Variants in DNM2 observed in about 807,000 individuals in gnomAD.
DNM2 encodes the protein dynamin 2, also known as dynamin-2.
DNM2 carries 15 observed loss-of-function variants against 99.0 expected under a neutral mutation model. The observed-to-expected ratio is 0.15, with a 90% CI of 0.10 to 0.23. The LOEUF is 0.23. Ranked by LOEUF, DNM2 falls within the 10% of genes least tolerant of loss-of-function variation. The probability of loss-of-function intolerance (pLI) is 1.00; values close to 1 mark genes in which losing one functional copy is unlikely to be tolerated. For synonymous variants in DNM2, 525 were observed against 481.2 expected (o/e 1.09, Z -1.19); for missense variants, 742 against 1,189.4 (o/e 0.62, Z 5.53).
chr19:10,795,312 C>T lies in DNM2; in HGVS notation c.1129-60C>T, dbSNP rs2071893478. On this transcript the variant is annotated intron_variant, in intron 8 of 20. Coordinates refer to ENST00000389253, the MANE Select transcript of DNM2 (RefSeq NM_001005361.3). This position sits in a 1 kb window ranked among gnomAD's most constrained non-coding sequence, Gnocchi z 4.2. The stretch of plus-strand genomic sequence containing the variant: ...TGGGAGAGAACGTTCCCCAGATGCA[C>T]GCCTGCCACGGGGGCGCCCCGGGTG... 11 of 1,542,640 alleles carry T rather than the reference C, an allele frequency of 7.1e-6. No homozygotes were observed. In the South Asian group the frequency reaches 1.0e-4, roughly 14 times the overall value.
chr19:10,738,142 C>T (rs2069598488), intron 1 of DNM2, among the ~76,000 whole-genome samples: 1 of 152,030 alleles, frequency 6.6e-6, no homozygotes, highest in Admixed American at 6.6e-5. Flanking sequence ...CTTGTAATCC[C>T]AGCACTTTGG....
intron 12 of DNM2, chr19:10,803,747 G>A: frequency 1.0e-6 from 1 of 960,584 alleles, no homozygotes; most frequent in African/African-American, 1.8e-5. Context: ...AGCCCTGGGT[G>A]GGACATCCCT....
chr19:10,798,202 A>T (rs1222664071), intron 10 of DNM2, among the ~76,000 whole-genome samples: 3 of 152,140 alleles, frequency 2.0e-5, no homozygotes, highest in African/African-American at 7.2e-5. Context: ...CATGGCAAAC[A>T]TGCCCCTGCT....
chr19:10,787,705 A>C (rs988544015), intron 7 of DNM2, among the ~76,000 whole-genome samples: 84 of 150,076 alleles, frequency 5.6e-4, no homozygotes, highest in African/African-American at 1.9e-3. Context: ...CAGTGAGCTG[A>C]GATCACGCCA....
intron 13 of DNM2, 31 bp downstream of exon 13, chr19:10,805,998 A>G: frequency 3.7e-6 from 6 of 1,613,650 alleles, no homozygotes; most frequent in Non-Finnish European, 5.1e-6. Context: ...CTCCCGCTCT[A>G]CCCTGGGGGC....
chr19:10,724,921 C>T, intron 1 of DNM2, among the ~76,000 whole-genome samples: 1 of 152,042 alleles, frequency 6.6e-6, no homozygotes, highest in South Asian at 2.1e-4. Context: ...TGATGTGTCC[C>T]TCCAGGGATA....
In DNM2 at chr19:10,823,887, C is replaced by G. The variant is rs767496363; in HGVS notation, c.1881C>G (p.Pro627=). The change falls in exon 17 of 21, where the codon CCC becomes CCG. Residue 627 remains proline, a synonymous_variant. Coordinates refer to ENST00000389253, the MANE Select transcript of DNM2 (RefSeq NM_001005361.3). ...KASFLRAGVY[P]EKDQAENEDG... ...CGTTCCTCCGAGCTGGCGTCTACCC[C>G]GAGAAGGACCAGGTGAGGAGCCGTC... The G allele has an allele frequency of 1.9e-5, 30 of 1,613,564 alleles. No individual in the cohort carries two copies. The highest frequency in any genetic ancestry group is 9.3e-5 in the African/African-American group (7 of 74,902).
At chr19:10,821,739 C>T (rs2072977900) in intron 16 of DNM2, among the ~76,000 whole-genome samples, 1 of 152,144 alleles carries the variant, frequency 6.6e-6, no homozygotes, top group Non-Finnish European at 1.5e-5. Context: ...CCATATTGGT[C>T]AGGCTGGGCT....
At chr19:10,719,571 G>A (rs1041226667) in intron 1 of DNM2, among the ~76,000 whole-genome samples, 2 of 152,060 alleles carry the variant, frequency 1.3e-5, no homozygotes, top group Non-Finnish European at 2.9e-5. Flanking sequence ...AGAACAGCCC[G>A]TGCAGCCACC....
chr19:10,780,921 G>A (rs1164188243), intron 5 of DNM2, among the ~76,000 whole-genome samples: 3 of 151,092 alleles, frequency 2.0e-5, no homozygotes, highest in African/African-American at 7.3e-5. Context: ...GAGAGGCTGA[G>A]ACATGAGAAT....
At chr19:10,776,017 A>G in intron 4 of DNM2, 111 bp downstream of exon 4, 1 of 1,341,896 alleles carries the variant, frequency 7.5e-7, no homozygotes, top group Non-Finnish European at 1.0e-6. Context: ...TGGCCGCTGT[A>G]GGAAAAGGCC....
At position 10,824,219 on chromosome 19, in the gene DNM2, C is replaced by T. The variant is rs755370798; in HGVS notation, c.1893+320C>T. The T allele has an allele frequency of 3.7e-4, 139 of 379,458 alleles. 1 individual carries two copies. Among genetic ancestry groups the T allele is most frequent in the Middle Eastern group, 8.8e-4 (1 of 1,134 alleles). 23.5% of individuals were successfully genotyped at this position (379,458 alleles called of 1,614,324 possible). ...TGGCCCCAATATTAAAATGCCTTGCCGGGCACGGTGGGTGGTTCGCCCCTG... is the reference window on the plus strand; with the variant it reads ...TGGCCCCAATATTAAAATGCCTTGCTGGGCACGGTGGGTGGTTCGCCCCTG... On this transcript the variant is annotated intron_variant, in intron 17 of 20. Transcript: ENST00000389253.
At chr19:10,801,262 C>T (rs1355788916) in intron 11 of DNM2, among the ~76,000 whole-genome samples, 4 of 151,636 alleles carry the variant, frequency 2.6e-5, no homozygotes, top group South Asian at 2.1e-4. Flanking sequence ...GCCGAGATTA[C>T]GCCATTGCAC....
At chr19:10,788,018 G>C (rs1390819453) in intron 7 of DNM2, among the ~76,000 whole-genome samples, 1 of 151,816 alleles carries the variant, frequency 6.6e-6, no homozygotes, top group Admixed American at 6.6e-5. Flanking sequence ...GATCACTTGA[G>C]GTCCGGAGTT....
chr19:10,824,999 G>A, intron 17 of DNM2, 58 bp from the exon 18 acceptor site: 2 of 1,611,068 alleles, frequency 1.2e-6, no homozygotes, highest in Non-Finnish European at 1.7e-6. Flanking sequence ...GGTTTCCAGA[G>A]AACCAGGACT....
At chr19:10,808,078 G>A (rs2072414932) in intron 13 of DNM2, among the ~76,000 whole-genome samples, 1 of 151,866 alleles carries the variant, frequency 6.6e-6, no homozygotes, top group South Asian at 2.1e-4. Context: ...AGGAGATGGT[G>A]GTTGTGGTGA....
intron 5 of DNM2, 24 bp from the exon 6 acceptor site, chr19:10,782,935 CT>C (rs1303195934): frequency 6.2e-7 from 1 of 1,613,932 alleles, no homozygotes; most frequent in South Asian, 1.1e-5. Context: ...AGCTTTGCCC[CT>C]GACCTGACTG....
Position 10,732,244 on chromosome 19 carries a change from C to T in DNM2, c.161+13841C>T, listed in dbSNP as rs186734857. ...CTGGGATTACAGGCATGAGCCACCG[C>T]GCCCTTAAACTCTTTTCTGTTAAAG... On this transcript the variant is annotated intron_variant, in intron 1 of 20. Transcript: ENST00000389253. Among the ~76,000 whole-genome samples the T allele has an allele frequency of 2.7e-3, 404 of 147,444 alleles. 5 individuals carry two copies. The highest frequency in any genetic ancestry group is 9.4e-3 in the African/African-American group (379 of 40,218).
rs773712386 is a variant in DNM2 at position 10,829,110 on chromosome 19, G to A, written c.2133G>A (p.Glu711=). ...SSADQSSLME[E]SADQAQRRDD... ...CAGACCAGAGCAGCCTCATGGAGGA[G>A]TCGGCTGACCAGGCACAGCGGCGGG... Residue 711 remains glutamate, a synonymous_variant, in exon 19 of 21, where the codon GAG becomes GAA. Coordinates refer to ENST00000389253, the MANE Select transcript of DNM2 (RefSeq NM_001005361.3). The A allele has an allele frequency of 1.2e-6, 2 of 1,614,054 alleles. No homozygotes were observed. Among genetic ancestry groups the A allele is most frequent in the South Asian group, 1.1e-5 (1 of 91,080 alleles).
Sources: allele counts gnomAD v4.1 joint callset (sites outside exome capture counted in the v4.1 genomes callset), GRCh38; gene constraint gnomAD v4.1.1; non-coding constraint Gnocchi (gnomAD v3.1); transcripts MANE v1.5; gene names NCBI Gene and HGNC (gene_info 2026-07-23, HGNC 2026-07-21).